The following FBXO21 variants were observed in gnomAD, a reference collection of about 807,000 sequenced individuals.
FBXO21 encodes F-box protein 21, also known as F-box only protein 21.
A neutral mutation model predicts 76.6 loss-of-function variants in FBXO21; 32 were observed. The observed-to-expected ratio is 0.42, with a 90% CI of 0.32 to 0.56. FBXO21 has a LOEUF of 0.56. Ranked by LOEUF, FBXO21 falls within the 20% of genes least tolerant of loss-of-function variation. The pLI is 0.16. For synonymous variants in FBXO21, 328 were observed against 311.5 expected (o/e 1.05, Z -0.56); for missense variants, 586 against 797.3 (o/e 0.73, Z 3.19).
chr12:117,150,097 A>G (rs925309385), intron 11 of FBXO21, among the ~76,000 whole-genome samples: 1 of 152,244 alleles, frequency 6.6e-6, no homozygotes, highest in Non-Finnish European at 1.5e-5. Flanking sequence ...AACATAATGA[A>G]GTTGGCAACT....
intron 9 of FBXO21, among the ~76,000 whole-genome samples, chr12:117,162,740 T>A (rs1955996536): frequency 6.6e-6 from 1 of 152,160 alleles, no homozygotes; most frequent in African/African-American, 2.4e-5. Flanking sequence ...GGTCTCACAC[T>A]CCGTAACAAT....
intron 3 of FBXO21, among the ~76,000 whole-genome samples, chr12:117,181,818 T>A (rs1292286044): frequency 6.6e-6 from 1 of 151,992 alleles, no homozygotes; most frequent in Non-Finnish European, 1.5e-5. Flanking sequence ...CCCGGCTAAT[T>A]TTTTGTATTT....
intron 4 of FBXO21, among the ~76,000 whole-genome samples, chr12:117,175,093 T>G (rs970908737): frequency 1.3e-5 from 2 of 152,116 alleles, no homozygotes; most frequent in Admixed American, 6.5e-5. Flanking sequence ...CAAAGAGAAG[T>G]AAATGACATC....
intron 9 of FBXO21, 136 bp from the exon 10 acceptor site, chr12:117,158,199 C>T (rs991693163): frequency 6.4e-6 from 6 of 938,418 alleles, no homozygotes; most frequent in Non-Finnish European, 9.9e-6. Flanking sequence ...CCTGATCGAA[C>T]CGGTCCAGGT....
chr12:117,146,876 T>TAA (rs1955776922), intron 11 of FBXO21, among the ~76,000 whole-genome samples: 1 of 152,140 alleles, frequency 6.6e-6, no homozygotes, highest in African/African-American at 2.4e-5. Flanking sequence ...GGATATCAGA[T>TAA]GTTATTATCT....
At chr12:117,188,258 C>T (rs938647445) in intron 2 of FBXO21, among the ~76,000 whole-genome samples, 10 of 152,092 alleles carry the variant, frequency 6.6e-5, no homozygotes, top group South Asian at 2.1e-4. Context: ...CAGAAACTTC[C>T]GTGAGGCCAG....
rs1405255732 is a variant in FBXO21, at chr12:117,143,942, A to G, written c.*2145T>C. 6.5e-6 allele frequency: 1 copy of G among 152,682 alleles called. No homozygotes were observed. The highest frequency in any genetic ancestry group is 2.4e-5 in the African/African-American group (1 of 41,460). 9.5% of individuals were successfully genotyped at this position (152,682 alleles called of 1,614,324 possible). A position where few individuals can be genotyped will look rare whatever the true frequency, so the allele number is the denominator to read the frequency against. Reference sequence around the variant, plus strand: ...TTTAAAATGGAGAAAAGTTTTGGAAAATTTTTAAAAAGAAACTTATGATTT... The same window carrying G: ...TTTAAAATGGAGAAAAGTTTTGGAAGATTTTTAAAAAGAAACTTATGATTT... On this transcript the variant is annotated 3_prime_UTR_variant, in exon 12 of 12. Transcript: ENST00000622495.
intron 2 of FBXO21, 100 bp downstream of exon 2, chr12:117,189,127 G>T: frequency 7.3e-7 from 1 of 1,366,644 alleles, no homozygotes; most frequent in Non-Finnish European, 1.0e-6. Context: ...TGAGAGCATT[G>T]AAAAGGGAGA....
Position 117,174,677 on chromosome 12 carries a change from C to T in FBXO21, c.713G>A (p.Arg238His), listed in dbSNP as rs1243207665. 5.0e-6 allele frequency: 8 copies of T among 1,614,094 alleles called. No homozygotes were observed. Among genetic ancestry groups the T allele is most frequent in the Admixed American group, 1.7e-5 (1 of 60,006 alleles). The part of the protein sequence containing the change: ...VCKTLRGINS[R>H]HPSLAFKAGE... ...TGCCTTGAAGGCCAAGCTGGGGTGG[C>T]GACTGTTTATGCCCCGAAGGGTTTT... Residue 238 changes from arginine to histidine, a missense_variant, in exon 5 of 12, where the codon CGC (arginine) becomes CAC (histidine). This residue lies in a region of FBXO21 where 246 missense variants were observed against 356.8 expected (regional missense o/e 0.69). Coordinates refer to ENST00000622495, the MANE Select transcript of FBXO21 (RefSeq NM_015002.3).
At chr12:117,150,804 C>A (rs980759722) in intron 11 of FBXO21, among the ~76,000 whole-genome samples, 2 of 151,998 alleles carry the variant, frequency 1.3e-5, no homozygotes, top group Non-Finnish European at 2.9e-5. Context: ...AACACTCAAC[C>A]CCACCCCCAT....
chr12:117,155,638 A>G (rs1478655968), intron 11 of FBXO21, 153 bp downstream of exon 11: 2 of 848,166 alleles, frequency 2.4e-6, no homozygotes, highest in South Asian at 1.7e-5. Flanking sequence ...AGCCACGTTT[A>G]GCTGACTGTG....
Position 117,177,517 on chromosome 12 carries a change from C to A in FBXO21, c.592+3G>T. ...CTGTCCACATATATGGGAAAAGACC[C>A]ACCTTCAAGATACGACTCATAGTCA... On this transcript the variant is annotated splice_donor_region_variant and intron_variant, in intron 4 of 11. Coordinates refer to ENST00000622495, the MANE Select transcript of FBXO21 (RefSeq NM_015002.3). 1 of 1,611,320 alleles carries A rather than the reference C, an allele frequency of 6.2e-7. No homozygotes were observed. The highest frequency in any genetic ancestry group is 1.1e-5 in the South Asian group (1 of 90,420).
At position 117,146,205 on chromosome 12, in the gene FBXO21, G is replaced by C. The variant is rs919845463; in HGVS notation, c.1748C>G (p.Thr583Ser). The change falls in exon 12 of 12, where the codon ACT becomes AGT. Residue 583 changes from threonine to serine, a missense_variant. Physicochemically the swap from Thr to Ser is moderately conservative, Grantham distance 58 (BLOSUM62 1). This residue lies in a region of FBXO21 where 164 missense variants were observed against 236.7 expected (regional missense o/e 0.69). Transcript: ENST00000622495. ...PDVGRYFSEFTGTHYIPNAEL... is the reference protein window; with the variant it reads ...PDVGRYFSEFSGTHYIPNAEL... Reference sequence around the variant, plus strand: ...TGCGTTTGGGATGTAGTGAGTGCCAGTAAACTCTGAGAAATAGCGTCCCAC... The same window carrying C: ...TGCGTTTGGGATGTAGTGAGTGCCACTAAACTCTGAGAAATAGCGTCCCAC... The C allele has an allele frequency of 6.2e-7, 1 of 1,614,024 alleles. No homozygotes were observed.
intron 4 of FBXO21, 127 bp downstream of exon 4, chr12:117,177,393 G>A: frequency 1.2e-6 from 1 of 865,536 alleles, no homozygotes; most frequent in South Asian, 2.1e-5. Context: ...ACCTGCAGAA[G>A]CCCACGCAAC....
intron 11 of FBXO21, among the ~76,000 whole-genome samples, chr12:117,153,270 G>A (rs991971197): frequency 1.3e-5 from 2 of 152,074 alleles, no homozygotes; most frequent in Non-Finnish European, 1.5e-5. Flanking sequence ...GATGTATCGC[G>A]AGGGCAAGGG....
At chr12:117,174,161 A>C in intron 6 of FBXO21, 44 bp downstream of exon 6, 1 of 1,497,180 alleles carries the variant, frequency 6.7e-7, no homozygotes, top group Non-Finnish European at 9.3e-7. Context: ...AAAAGTTACT[A>C]TACCTATATT....
chr12:117,172,441 G>A, intron 7 of FBXO21, 30 bp downstream of exon 7: 4 of 1,601,800 alleles, frequency 2.5e-6, no homozygotes, highest in South Asian at 1.1e-5. Context: ...AAATCTTCAG[G>A]ACCACAGATA....
chr12:117,147,620 A>G (rs1377798002), intron 11 of FBXO21, among the ~76,000 whole-genome samples: 1 of 146,640 alleles, frequency 6.8e-6, no homozygotes, highest in Non-Finnish European at 1.5e-5. Flanking sequence ...AAAAAAAAAG[A>G]GATAATACAG....
chr12:117,145,962 A>G lies in FBXO21; in HGVS notation c.*125T>C, dbSNP rs921437326. ...TTAAACTTAGTAGGAGGCAACCAGC[A>G]CTACTGGTGGAGTGGCTTTCCTGGT... On this transcript the variant is annotated 3_prime_UTR_variant, in exon 12 of 12. Transcript: ENST00000622495. The G allele has an allele frequency of 8.1e-5, 54 of 670,104 alleles. No individual in the cohort carries two copies. Among genetic ancestry groups the G allele is most frequent in the African/African-American group, 3.3e-4 (18 of 54,828 alleles). The allele number at this position is 670,104 out of a possible 1,614,324, so 41.5% of individuals were successfully genotyped here. A position where few individuals can be genotyped will look rare whatever the true frequency, so the allele number is the denominator to read the frequency against.
Sources: gnomAD v4.1 joint callset for allele counts (sites outside exome capture counted in the v4.1 genomes callset) on GRCh38, gnomAD v4.1.1 for gene constraint, gnomAD v4.1.1 regional missense constraint, MANE v1.5 for transcripts, NCBI Gene and HGNC (gene_info 2026-07-23, HGNC 2026-07-21) for gene names.